Variants in ZFAT observed in about 807,000 individuals in gnomAD.
ZFAT encodes the protein zinc finger and AT-hook domain containing.
Under a neutral mutation model 117.7 loss-of-function variants are expected in ZFAT, and 64 were observed. The ratio of observed to expected loss-of-function variants is 0.54; its 90% CI spans 0.44 to 0.67. The LOEUF (loss-of-function observed/expected upper bound fraction) is 0.67. Among genes scored for constraint, ZFAT ranks in the 30% least tolerant of loss-of-function variants. The pLI is 0.00. For synonymous variants in ZFAT, 679 were observed against 615.0 expected (o/e 1.10, Z -1.54); for missense variants, 1,433 against 1,584.5 (o/e 0.90, Z 1.62).
the ZFAT span, among the ~76,000 whole-genome samples, chr8:134,764,083 T>A: frequency 6.6e-6 from 1 of 152,184 alleles, no homozygotes; most frequent in South Asian, 2.1e-4. Flanking sequence ...TATAAAATAA[T>A]TCACACTTAC....
chr8:134,822,764 T>C, the ZFAT span, among the ~76,000 whole-genome samples: 1 of 152,144 alleles, frequency 6.6e-6, no homozygotes, highest in Non-Finnish European at 1.5e-5. Context: ...TTTCACAGGA[T>C]TTAATAGGAC....
chr8:134,504,516 CAGTCTT>C (rs1193634065), intron 15 of ZFAT, among the ~76,000 whole-genome samples: 1 of 152,160 alleles, frequency 6.6e-6, no homozygotes. Flanking sequence ...ATGTCAGTGA[CAGTCTT>C]AGACAGGCAC....
intron 15 of ZFAT, among the ~76,000 whole-genome samples, chr8:134,500,487 C>T (rs1008435887): frequency 4.6e-5 from 7 of 152,078 alleles, no homozygotes; most frequent in African/African-American, 1.2e-4. Context: ...GTTTTCAGAC[C>T]ATTTCTCATA....
intron 10 of ZFAT, among the ~76,000 whole-genome samples, chr8:134,567,045 C>T (rs1824519536): frequency 6.6e-6 from 1 of 152,188 alleles, no homozygotes; most frequent in African/African-American, 2.4e-5. Flanking sequence ...CCCCTTCAGA[C>T]TTTTGTAAAC....
intron 8 of ZFAT, among the ~76,000 whole-genome samples, chr8:134,589,501 T>A (rs1206003549): frequency 6.6e-6 from 1 of 152,246 alleles, no homozygotes; most frequent in Non-Finnish European, 1.5e-5. Flanking sequence ...TACTCCCTCA[T>A]AAAACACACA....
At chr8:134,573,237 C>G (rs1011369525) in intron 10 of ZFAT, among the ~76,000 whole-genome samples, 1 of 151,808 alleles carries the variant, frequency 6.6e-6, no homozygotes, top group African/African-American at 2.4e-5. Context: ...TGCATGTGTG[C>G]GTGTATGTGT....
chr8:134,524,024 G>A (rs1458398534), intron 12 of ZFAT, among the ~76,000 whole-genome samples: 1 of 152,174 alleles, frequency 6.6e-6, no homozygotes, highest in East Asian at 1.9e-4. Context: ...CTTATTCTCT[G>A]TTCAAGTCCC....
chr8:134,650,317 G>A (rs896014772), intron 2 of ZFAT, among the ~76,000 whole-genome samples: 6 of 151,500 alleles, frequency 4.0e-5, no homozygotes, highest in Admixed American at 2.6e-4. Context: ...TAGTAGAGAC[G>A]GGGTGTCACC....
At chr8:134,637,810 T>A in intron 2 of ZFAT, 98 bp from the exon 3 acceptor site, 1 of 1,485,418 alleles carries the variant, frequency 6.7e-7, no homozygotes. Context: ...AGGTTTCACG[T>A]TTCATTAAAA....
At chr8:134,483,913 G>A (rs955066866) in intron 15 of ZFAT, among the ~76,000 whole-genome samples, 5 of 152,158 alleles carry the variant, frequency 3.3e-5, no homozygotes, top group Non-Finnish European at 1.5e-5. Flanking sequence ...GATCCTCTGC[G>A]GTGCGCCAGG....
At chr8:134,665,635 A>C (rs1212783390) in intron 1 of ZFAT, among the ~76,000 whole-genome samples, 1 of 152,238 alleles carries the variant, frequency 6.6e-6, no homozygotes, top group African/African-American at 2.4e-5. Flanking sequence ...ACAAAACAGC[A>C]GTCTATAGAA....
chr8:134,543,661 T>C (rs1418819741), intron 11 of ZFAT, among the ~76,000 whole-genome samples: 1 of 152,202 alleles, frequency 6.6e-6, no homozygotes, highest in Non-Finnish European at 1.5e-5. Flanking sequence ...AAGAATCTAT[T>C]GATTCTAATA....
Position 134,649,965 on chromosome 8 carries a change from C to T in ZFAT, c.196+7596G>A, listed in dbSNP as rs143487193. Among the ~76,000 whole-genome samples the T allele has an allele frequency of 2.8e-3, 429 of 152,152 alleles. 2 individuals are homozygous for T. The highest frequency in any genetic ancestry group is 9.8e-3 in the African/African-American group (407 of 41,512). ...TCATAAGATCTGATGGGTTTATAAT[C>T]GTCTGGCATTTCCCCTTGTTTGCAC... On this transcript the variant is annotated intron_variant, in intron 2 of 15. Transcript: ENST00000377838.
At chr8:134,690,293 T>A (rs1833526420) in intron 1 of ZFAT, among the ~76,000 whole-genome samples, 1 of 152,190 alleles carries the variant, frequency 6.6e-6, no homozygotes, top group South Asian at 2.1e-4. Flanking sequence ...TTAGCAGACT[T>A]AGAACCTGCA....
At chr8:134,713,056 G>A, upstream of ZFAT, 1 of 585,848 alleles carries the variant, frequency 1.7e-6, no homozygotes, top group East Asian at 3.5e-5. Flanking sequence ...CCTCCCCACG[G>A]GGCGCAGACG....
the ZFAT span, among the ~76,000 whole-genome samples, chr8:134,816,914 G>T: frequency 6.6e-6 from 1 of 151,330 alleles, no homozygotes; most frequent in African/African-American, 2.4e-5. Flanking sequence ...CCGGGAGGCG[G>T]AGGTTGCAGT....
At chr8:134,781,206 GTCTCAA>G in the ZFAT span, among the ~76,000 whole-genome samples, 1 of 152,100 alleles carries the variant, frequency 6.6e-6, no homozygotes, top group Middle Eastern at 3.2e-3. Flanking sequence ...GCTCACTGCA[GTCTCAA>G]TCTCCTGTGC....
At chr8:134,760,996 G>A in the ZFAT span, among the ~76,000 whole-genome samples, 50 of 152,280 alleles carry the variant, frequency 3.3e-4, no homozygotes, top group African/African-American at 9.1e-4. Flanking sequence ...AGCAGACACC[G>A]GAAGGGATCA....
the ZFAT span, among the ~76,000 whole-genome samples, chr8:134,788,225 T>C: frequency 1.3e-5 from 2 of 152,192 alleles, no homozygotes; most frequent in African/African-American, 2.4e-5. Flanking sequence ...GTTTAGGTAA[T>C]TGACTTTCAG....
Sources: gnomAD v4.1 joint callset for allele counts (sites outside exome capture counted in the v4.1 genomes callset) on GRCh38, gnomAD v4.1.1 for gene constraint, MANE v1.5 for transcripts, NCBI Gene and HGNC (gene_info 2026-07-23, HGNC 2026-07-21) for gene names.